The following ITGA1 variants were observed in gnomAD, a reference collection of about 807,000 sequenced individuals.
ITGA1 encodes the protein integrin subunit alpha 1, also known as integrin alpha-1.
ITGA1 carries 85 observed loss-of-function variants against 145.9 expected under a neutral mutation model. The ratio of observed to expected loss-of-function variants is 0.58; its 90% confidence interval spans 0.49 to 0.70. The LOEUF (loss-of-function observed/expected upper bound fraction) is 0.70. Among genes scored for constraint, ITGA1 ranks in the 30% least tolerant of loss-of-function variants. ITGA1 has a pLI of 0.00. For synonymous variants in ITGA1, 520 were observed against 495.3 expected, an observed-to-expected ratio of 1.05 and a Z score of -0.66; for missense variants, 1,351 against 1,418.7, an observed-to-expected ratio of 0.95 and a Z score of 0.77.
At position 52,905,878 on chromosome 5, in the gene ITGA1, C is replaced by T. The variant is rs1157609885; in HGVS notation, c.1425C>T (p.Ile475=). 2 of 1,613,162 alleles carry T rather than the reference C, an allele frequency of 1.2e-6. No homozygotes were observed. The highest frequency in any genetic ancestry group is 1.7e-6 in the Non-Finnish European group (2 of 1,179,456). The change falls in exon 12 of 29, where the codon ATC becomes ATT. Residue 475 remains isoleucine, a synonymous_variant. Transcript: ENST00000282588. The stretch of plus-strand genomic sequence containing the variant: ...TCTACAGGATGGAAGATGGAAACAT[C>T]AAAATTCTCCAGACGCTCAGTGGAG... The part of the protein sequence containing the change: ...VIIYRMEDGN[I]KILQTLSGEQ...
chr5:52,887,224 C>T (rs1282792290), intron 7 of ITGA1, among the ~76,000 whole-genome samples: 3 of 152,162 alleles, frequency 2.0e-5, no homozygotes, highest in East Asian at 3.9e-4. Context: ...AGAGCATCAC[C>T]ATCTGCAGTC....
chr5:52,943,446 T>G (rs764753862), intron 26 of ITGA1, among the ~76,000 whole-genome samples: 12 of 152,104 alleles, frequency 7.9e-5, no homozygotes, highest in South Asian at 2.1e-4. Context: ...ATTTTTGGTG[T>G]TGTTGTTTGA....
At chr5:52,863,547 T>C (rs1342925967) in intron 3 of ITGA1, among the ~76,000 whole-genome samples, 3 of 152,186 alleles carry the variant, frequency 2.0e-5, no homozygotes, top group Non-Finnish European at 1.5e-5. Context: ...TGCCAGTATC[T>C]TCTTCCAAGT....
At chr5:52,789,764 AAT>A (rs1288752873) in intron 1 of ITGA1, among the ~76,000 whole-genome samples, 28 of 152,360 alleles carry the variant, frequency 1.8e-4, no homozygotes, top group African/African-American at 6.7e-4. Context: ...GCAAAATCTG[AAT>A]ACAGTAGTTT....
chr5:52,800,375 A>T, intron 1 of ITGA1: 1 of 1,613,194 alleles, frequency 6.2e-7, no homozygotes. Flanking sequence ...TGGTTCTGTC[A>T]GTGAGCCCCT....
intron 12 of ITGA1, among the ~76,000 whole-genome samples, chr5:52,907,824 T>G (rs1014408829): frequency 2.0e-5 from 3 of 151,852 alleles, no homozygotes; most frequent in Non-Finnish European, 4.4e-5. Flanking sequence ...AAGCCCAGAG[T>G]TGCAAGATCT....
intron 3 of ITGA1, among the ~76,000 whole-genome samples, chr5:52,863,540 C>A (rs1167687797): frequency 6.6e-6 from 1 of 152,096 alleles, no homozygotes; most frequent in Admixed American, 6.6e-5. Context: ...CATTTAGTGC[C>A]AGTATCTTCT....
In ITGA1 at chr5:52,909,007, A is replaced by G. The variant is rs1750456622; in HGVS notation, c.1565A>G (p.Glu522Gly). Residue 522 changes from glutamate (E) to glycine (G), a missense_variant, in exon 13 of 29, where the codon GAG becomes GGG. By Grantham distance (98) the Glu-to-Gly change is moderately conservative. Transcript: ENST00000282588. ...APMYMGTEKEEQGKVYVYALN... is the reference protein window; with the variant it reads ...APMYMGTEKEGQGKVYVYALN... ...ATGTACATGGGAACAGAGAAGGAGG[A>G]GCAAGGAAAAGTGTATGTGTATGCT... 1 of 1,613,922 alleles carries G rather than the reference A, an allele frequency of 6.2e-7. No homozygotes were observed. Among genetic ancestry groups the G allele is most frequent in the East Asian group, 2.2e-5 (1 of 44,840 alleles).
chr5:52,807,318 C>T (rs6450083), intron 1 of ITGA1, among the ~76,000 whole-genome samples: 77,447 of 151,934 alleles, frequency 0.51, 20,509 homozygotes, highest in African/African-American at 0.65. Context: ...TAACTGTGTG[C>T]TTATTAAGTG....
intron 11 of ITGA1, chr5:52,905,548 G>A (rs1214362029): frequency 2.8e-6 from 1 of 350,886 alleles, no homozygotes; most frequent in South Asian, 9.8e-5. Context: ...CAGATTGGGG[G>A]AAAATAACTT....
chr5:52,945,837 C>T (rs752443555), intron 27 of ITGA1, among the ~76,000 whole-genome samples: 1 of 152,080 alleles, frequency 6.6e-6, no homozygotes, highest in Non-Finnish European at 1.5e-5. Context: ...GATAAGTATA[C>T]GCTTTTCAAG....
intron 8 of ITGA1, among the ~76,000 whole-genome samples, chr5:52,891,780 T>C (rs1224747007): frequency 2.0e-5 from 3 of 152,110 alleles, no homozygotes; most frequent in African/African-American, 7.2e-5. Context: ...CATGTACTTA[T>C]GTGATTTAAA....
chr5:52,885,692 C>T (rs1750035203), intron 7 of ITGA1, among the ~76,000 whole-genome samples: 1 of 152,148 alleles, frequency 6.6e-6, no homozygotes, highest in African/African-American at 2.4e-5. Flanking sequence ...GCAGTGTGAG[C>T]AATGGGCTTT....
chr5:52,801,110 A>G lies in ITGA1; in HGVS notation c.61+12696A>G, dbSNP rs75328051. The stretch of plus-strand genomic sequence containing the variant: ...AAACTGCTCCTGGAAAACCGGTCCA[A>G]ATTTCTTCAGGTAAAACAATCTTAC... On this transcript the variant is annotated intron_variant, in intron 1 of 28. Transcript: ENST00000282588. 309 of 1,601,296 alleles carry G rather than the reference A, an allele frequency of 1.9e-4. 2 individuals carry two copies. In the East Asian group the frequency reaches 6.1e-3, roughly 32 times the overall value.
At chr5:52,828,095 A>G (rs1206779360) in intron 1 of ITGA1, among the ~76,000 whole-genome samples, 10 of 152,178 alleles carry the variant, frequency 6.6e-5, no homozygotes, top group Non-Finnish European at 1.0e-4. Flanking sequence ...TATTGTGAAT[A>G]TTACTGCTAT....
At chr5:52,819,477 C>T (rs781108251) in intron 1 of ITGA1, among the ~76,000 whole-genome samples, 16 of 152,188 alleles carry the variant, frequency 1.1e-4, no homozygotes, top group Admixed American at 2.0e-4. Flanking sequence ...ATCCTCTGCC[C>T]ACTTTTTGAT....
At chr5:52,844,429 T>C (rs951709376) in intron 1 of ITGA1, among the ~76,000 whole-genome samples, 4 of 152,236 alleles carry the variant, frequency 2.6e-5, no homozygotes, top group Admixed American at 2.0e-4. Flanking sequence ...TAGCCCTTTC[T>C]AGTTTTAGGA....
chr5:52,825,166 C>T (rs1470224724), intron 1 of ITGA1: 2 of 152,132 alleles, frequency 1.3e-5, no homozygotes, highest in African/African-American at 4.8e-5. Flanking sequence ...TAACATGCCG[C>T]TTTAAATAAT....
rs1042526572 is a variant in ITGA1 at position 52,954,846 on chromosome 5, C to A, written c.*2395C>A. ...AATTATTTAAAAAACAAGTACAGAG[C>A]GTTTGATTAAAAAAAGTCAACAAAT... On this transcript the variant is annotated 3_prime_UTR_variant, in exon 29 of 29. Coordinates refer to ENST00000282588, the MANE Select transcript of ITGA1 (RefSeq NM_181501.2). 6.6e-6 allele frequency: 1 copy of A among 151,654 alleles called. No homozygotes were observed. Among genetic ancestry groups the A allele is most frequent in the Non-Finnish European group, 1.5e-5 (1 of 67,932 alleles). 9.4% of individuals were successfully genotyped at this position (151,654 alleles called of 1,614,324 possible). A position where few individuals can be genotyped will look rare whatever the true frequency, so the allele number is the denominator to read the frequency against.
Sources: allele counts gnomAD v4.1 joint callset (sites outside exome capture counted in the v4.1 genomes callset), GRCh38; gene constraint gnomAD v4.1.1; transcripts MANE v1.5; gene names NCBI Gene and HGNC (gene_info 2026-07-23, HGNC 2026-07-21).